The following PECR variants were observed in gnomAD, a reference collection of about 807,000 sequenced individuals.
PECR encodes 2,4-dienoyl-CoA reductase-related protein.
Under a neutral mutation model 35.3 loss-of-function variants are expected in PECR, and 30 were observed. The ratio of observed to expected loss-of-function variants is 0.85; its 90% CI spans 0.64 to 1.15. PECR has a LOEUF of 1.15. Among genes scored for constraint, PECR ranks in the 50% most tolerant of loss-of-function variants. PECR has a pLI of 0.00. For synonymous variants in PECR, 148 were observed against 138.9 expected (o/e 1.07, Z -0.46); for missense variants, 392 against 370.8 (o/e 1.06, Z -0.47).
intron 4 of PECR, 74 bp downstream of exon 4, chr2:216,058,821 T>G: frequency 1.2e-6 from 1 of 806,220 alleles, no homozygotes; most frequent in Non-Finnish European, 2.2e-6. Flanking sequence ...TTAAGAAATG[T>G]TCCCTAACAT....
chr2:216,052,806 G>A (rs1055485619), intron 4 of PECR, among the ~76,000 whole-genome samples: 2 of 152,038 alleles, frequency 1.3e-5, no homozygotes, highest in African/African-American at 4.8e-5. Flanking sequence ...TGTTTCTCAT[G>A]TCTCTTTCAG....
At chr2:216,045,439 G>C (rs965835534) in intron 6 of PECR, among the ~76,000 whole-genome samples, 2 of 152,214 alleles carry the variant, frequency 1.3e-5, no homozygotes, top group Non-Finnish European at 2.9e-5. Flanking sequence ...GATGCTCCGA[G>C]GGATGAAGAA....
At chr2:216,033,509 AAAATAAG>A (rs1694744117), downstream of PECR, among the ~76,000 whole-genome samples, 1 of 152,170 alleles carries the variant, frequency 6.6e-6, no homozygotes, top group Admixed American at 6.5e-5. Flanking sequence ...AGAAAAGGGC[AAAATAAG>A]CAGAGAGAAA....
downstream of PECR, among the ~76,000 whole-genome samples, chr2:216,035,958 G>A (rs1367785553): frequency 6.6e-6 from 1 of 152,206 alleles, no homozygotes; most frequent in Non-Finnish European, 1.5e-5. Flanking sequence ...ATTGCTGTGT[G>A]GTTTCTGCGT....
intron 3 of PECR, among the ~76,000 whole-genome samples, chr2:216,064,547 C>CATAT (rs1199157515): frequency 6.6e-6 from 1 of 152,120 alleles, no homozygotes; most frequent in Non-Finnish European, 1.5e-5. Flanking sequence ...ATGAAACTAC[C>CATAT]ATATAATCCT....
intron 1 of PECR, among the ~76,000 whole-genome samples, chr2:216,071,498 A>C (rs576988885): frequency 2.6e-5 from 4 of 152,276 alleles, no homozygotes; most frequent in African/African-American, 9.6e-5. Context: ...TGAGTCCATT[A>C]AATGTTATGG....
chr2:216,030,179 T>C (rs1327837006), intron 7 of PECR, among the ~76,000 whole-genome samples: 1 of 152,214 alleles, frequency 6.6e-6, no homozygotes, highest in East Asian at 1.9e-4. Flanking sequence ...ATATAGATTA[T>C]TGGGGGTGAT....
intron 4 of PECR, among the ~76,000 whole-genome samples, chr2:216,052,513 G>A (rs1233532395): frequency 6.6e-6 from 1 of 152,174 alleles, no homozygotes; most frequent in Non-Finnish European, 1.5e-5. Context: ...GGTTGGCATG[G>A]TTTTTTCTGT....
intron 6 of PECR, among the ~76,000 whole-genome samples, chr2:216,047,200 G>A (rs1248841522): frequency 6.6e-6 from 1 of 151,552 alleles, no homozygotes; most frequent in African/African-American, 2.4e-5. Context: ...AGAGGTTGTG[G>A]TGAGCCGAGA....
At chr2:216,054,595 C>A (rs986869214) in intron 4 of PECR, among the ~76,000 whole-genome samples, 1 of 151,670 alleles carries the variant, frequency 6.6e-6, no homozygotes, top group South Asian at 2.1e-4. Context: ...CTCAGCCTCC[C>A]AAAGTGCTGG....
chr2:216,073,479 C>A (rs1049124754), intron 1 of PECR, among the ~76,000 whole-genome samples: 3 of 152,100 alleles, frequency 2.0e-5, no homozygotes, highest in Non-Finnish European at 4.4e-5. Context: ...TGTCTTAGGC[C>A]TTCACATTCA....
intron 1 of PECR, among the ~76,000 whole-genome samples, chr2:216,066,747 T>C (rs1050808611): frequency 8.5e-5 from 13 of 152,178 alleles, no homozygotes; most frequent in African/African-American, 2.7e-4. Flanking sequence ...GTGCAGTGGC[T>C]TGATCATAGC....
At chr2:216,070,115 C>T (rs945867383) in intron 1 of PECR, among the ~76,000 whole-genome samples, 2 of 152,148 alleles carry the variant, frequency 1.3e-5, no homozygotes, top group Admixed American at 1.3e-4. Context: ...AATCGAATGA[C>T]TCGACACACT....
intron 1 of PECR, among the ~76,000 whole-genome samples, chr2:216,069,934 CAAAA>C (rs35689726): frequency 0.049 from 4,990 of 101,254 alleles, 69 homozygotes; most frequent in Non-Finnish European, 0.069. Context: ...AAGACTCTGT[CAAAA>C]AAAAAAAAAA....
At chr2:216,031,691 G>GAAAGAAAGAAAGAAAGAAAGAAGGAA (rs1473248845) in intron 7 of PECR, among the ~76,000 whole-genome samples, 3 of 61,160 alleles carry the variant, frequency 4.9e-5, no homozygotes, top group Admixed American at 4.1e-4. Flanking sequence ...AAGAAAGAAA[G>GAAAGAAAGAAAGAAAGAAAGAAGGAA]AGAAAGAAAG....
rs544816064 is a variant in PECR at position 216,065,716 on chromosome 2, T to C, written c.259-239A>G. ...TAAAACTGTAATTTTGACGACAAGATATATCCAAGGGCCTGGAACACCCTT... is the reference window on the plus strand; with the variant it reads ...TAAAACTGTAATTTTGACGACAAGACATATCCAAGGGCCTGGAACACCCTT... On this transcript the variant is annotated intron_variant, in intron 2 of 7. Coordinates refer to ENST00000265322, the MANE Select transcript of PECR (RefSeq NM_018441.6). Among the ~76,000 whole-genome samples the C allele has an allele frequency of 2.8e-3, 421 of 152,300 alleles. 2 individuals are homozygous for C. Among genetic ancestry groups the C allele is most frequent in the Non-Finnish European group, 5.2e-3 (354 of 68,020 alleles).
At chr2:216,057,250 G>A (rs1695247018) in intron 4 of PECR, among the ~76,000 whole-genome samples, 1 of 152,058 alleles carries the variant, frequency 6.6e-6, no homozygotes, top group African/African-American at 2.4e-5. Flanking sequence ...GTTTAGTTTG[G>A]TTTTGGTAAT....
intron 4 of PECR, 141 bp from the exon 5 acceptor site, chr2:216,051,686 T>A (rs926402281): frequency 1.4e-6 from 1 of 701,152 alleles, no homozygotes; most frequent in African/African-American, 1.8e-5. Context: ...TGAGCTTCTG[T>A]CTAAACAACG....
Position 216,081,631 on chromosome 2 carries a change from C to T in PECR, c.111G>A (p.Glu37=). ...CCGCTCACGTACCCAGCTCCAGGAG[C>T]TCCTTCACGATGGCTTTTCCGATGC... ...ATGIGKAIVK[E]LLELGSNVVI... Residue 37 remains glutamate (E), a synonymous_variant, in exon 1 of 8, where the codon GAG becomes GAA. Transcript: ENST00000265322. The T allele has an allele frequency of 1.9e-6, 3 of 1,613,790 alleles. No homozygotes were observed. Among genetic ancestry groups the T allele is most frequent in the Non-Finnish European group, 2.5e-6 (3 of 1,179,972 alleles).
Sources: gnomAD v4.1 joint callset for allele counts (sites outside exome capture counted in the v4.1 genomes callset) on GRCh38, gnomAD v4.1.1 for gene constraint, MANE v1.5 for transcripts, NCBI Gene and HGNC (gene_info 2026-07-23, HGNC 2026-07-21) for gene names.